The following ADAM22 variants were observed in gnomAD, a reference collection of about 807,000 sequenced individuals.
ADAM22 encodes the protein ADAM metallopeptidase domain 22.
ADAM22 carries 65 observed loss-of-function variants against 144.6 expected under a neutral mutation model. The ratio of observed to expected loss-of-function variants is 0.45; its 90% CI spans 0.37 to 0.55. ADAM22 has a LOEUF of 0.55. Among genes scored for constraint, ADAM22 ranks in the 20% least tolerant of loss-of-function variants. The pLI is 0.00. For synonymous variants in ADAM22, 391 were observed against 412.6 expected, an observed-to-expected ratio of 0.95 and a Z score of 0.63; for missense variants, 974 against 1,184.9, an observed-to-expected ratio of 0.82 and a Z score of 2.61.
chr7:88,030,057 T>C (rs1020042100), intron 3 of ADAM22, among the ~76,000 whole-genome samples: 1 of 152,182 alleles, frequency 6.6e-6, no homozygotes, highest in African/African-American at 2.4e-5. Context: ...ATAAACTTTC[T>C]ACCTGCCCTC....
intron 21 of ADAM22, 74 bp from the exon 22 acceptor site, chr7:88,155,813 G>C (rs1839795764): frequency 7.9e-6 from 12 of 1,517,140 alleles, no homozygotes; most frequent in Non-Finnish European, 9.8e-6. Flanking sequence ...GCTAAAATGA[G>C]AGAAGATTAT....
chr7:88,023,826 T>TC (rs141448857), intron 3 of ADAM22, among the ~76,000 whole-genome samples: 36,375 of 151,072 alleles, frequency 0.24, 5,517 homozygotes, highest in South Asian at 0.39. Flanking sequence ...TACCCCCACT[T>TC]CCCCCCTACC....
intron 2 of ADAM22, among the ~76,000 whole-genome samples, chr7:87,949,694 CT>C (rs938293220): frequency 1.9e-4 from 28 of 147,520 alleles, no homozygotes; most frequent in East Asian, 2.0e-4. Context: ...GGACAACAAC[CT>C]TTTTTTTTTC....
intron 3 of ADAM22, among the ~76,000 whole-genome samples, chr7:88,024,598 C>T (rs1408566938): frequency 2.6e-5 from 4 of 151,822 alleles, no homozygotes; most frequent in Admixed American, 6.6e-5. Context: ...ATGTGCACAA[C>T]GTGCAGGCTT....
At chr7:88,154,181 G>T (rs980913714) in intron 21 of ADAM22, among the ~76,000 whole-genome samples, 5 of 152,188 alleles carry the variant, frequency 3.3e-5, no homozygotes, top group Non-Finnish European at 7.3e-5. Flanking sequence ...AGCAGAATTA[G>T]AATTTGGAGA....
chr7:88,119,806 C>T (rs1417393421), intron 7 of ADAM22, among the ~76,000 whole-genome samples: 1 of 152,160 alleles, frequency 6.6e-6, no homozygotes, highest in African/African-American at 2.4e-5. Flanking sequence ...CAATTTTTAA[C>T]TTATTAAGTT....
intron 4 of ADAM22, among the ~76,000 whole-genome samples, chr7:88,082,678 G>T (rs1365819133): frequency 6.6e-6 from 1 of 152,058 alleles, no homozygotes; most frequent in East Asian, 1.9e-4. Flanking sequence ...GTTTGCAAAG[G>T]ATATGAACAG....
At chr7:87,962,867 A>C (rs1340873369) in intron 2 of ADAM22, among the ~76,000 whole-genome samples, 2 of 152,186 alleles carry the variant, frequency 1.3e-5, no homozygotes, top group Non-Finnish European at 2.9e-5. Context: ...GCCCAGGATC[A>C]TTCAGTTTAG....
rs539299387 is a variant in ADAM22 at position 88,168,120 on chromosome 7, C to T, written c.2192-17C>T. 10 of 1,606,984 alleles carry T rather than the reference C, an allele frequency of 6.2e-6. No homozygotes were observed. The East Asian group carries it at 1.3e-4, about 22-fold the overall frequency. On this transcript the variant is annotated splice_polypyrimidine_tract_variant and intron_variant, in intron 24 of 31. Coordinates refer to ENST00000413139, the MANE Select transcript of ADAM22 (RefSeq NM_001324418.2). The stretch of plus-strand genomic sequence containing the variant: ...TTTATACCACTGATCTTCCTTCTTT[C>T]TTTTTTTTCCTCTCAGGTGTTGCTG...
chr7:87,940,160 C>A (rs868571765), intron 2 of ADAM22, among the ~76,000 whole-genome samples: 3 of 126,252 alleles, frequency 2.4e-5, no homozygotes, highest in African/African-American at 9.2e-5. Flanking sequence ...CCAGCCTGGG[C>A]GACAGAGCAA....
Position 88,037,599 on chromosome 7 carries a change from TA to T in ADAM22, c.324-38026del, listed in dbSNP as rs1429691399. ...TCTGCCTTGATGTGTTTTATTTTTT[TA>T]TTTTTATTTTTATTTTTTTTTGCCT... is the stretch of plus-strand genomic sequence containing the variant. On this transcript the variant is annotated intron_variant, in intron 3 of 31. Coordinates refer to ENST00000413139, the MANE Select transcript of ADAM22 (RefSeq NM_001324418.2). Among the ~76,000 whole-genome samples, 3 of 152,130 alleles carry T rather than the reference TA, an allele frequency of 2.0e-5. No homozygotes were observed. The East Asian group carries it at 5.8e-4, about 29-fold the overall frequency.
At position 88,171,562 on chromosome 7, in the gene ADAM22, G is replaced by A; in HGVS notation, c.2300+1G>A. The A allele has an allele frequency of 6.3e-7, 1 of 1,586,330 alleles. No homozygotes were observed. The highest frequency in any genetic ancestry group is 8.5e-7 in the Non-Finnish European group (1 of 1,169,990). ...TGAAAAGAAACTATCGAGAACAGAG[G>A]TATGTAATACAAATAATGTGAACAT... On this transcript the variant is annotated splice_donor_variant, in intron 26 of 31. Transcript: ENST00000413139. LOFTEE classifies it high-confidence loss of function.
Position 87,982,060 on chromosome 7 carries a change from T to TAC in ADAM22, c.323+3649_323+3650insCA, listed in dbSNP as rs1325628045. ...TGTTTATTTCATATATATATATATA[T>TAC]ATATATATACACACACACACACACA... On this transcript the variant is annotated intron_variant, in intron 3 of 31. Coordinates refer to ENST00000413139, the MANE Select transcript of ADAM22 (RefSeq NM_001324418.2). Among the ~76,000 whole-genome samples the TAC allele has an allele frequency of 9.5e-3, 1,140 of 120,242 alleles. 11 individuals are homozygous for TAC. Among genetic ancestry groups the TAC allele is most frequent in the Middle Eastern group, 0.017 (4 of 234 alleles). The allele number at this position is 120,242 out of a possible 152,430, so 78.9% of individuals were successfully genotyped here. A position where few individuals can be genotyped will look rare whatever the true frequency, so the allele number is the denominator to read the frequency against.
intron 15 of ADAM22, 92 bp from the exon 16 acceptor site, chr7:88,145,033 G>A (rs1835923979): frequency 1.0e-6 from 1 of 985,856 alleles, no homozygotes; most frequent in Non-Finnish European, 1.5e-6. Context: ...GACTGGCAGG[G>A]CAGGTATATT....
intron 26 of ADAM22, among the ~76,000 whole-genome samples, chr7:88,178,550 A>G (rs1846244156): frequency 6.6e-6 from 1 of 152,188 alleles, no homozygotes; most frequent in African/African-American, 2.4e-5. Context: ...ACCACAAAGA[A>G]AAAGAAAGCT....
intron 3 of ADAM22, among the ~76,000 whole-genome samples, chr7:88,067,574 G>A (rs970538393): frequency 6.6e-6 from 1 of 152,040 alleles, no homozygotes; most frequent in African/African-American, 2.4e-5. Flanking sequence ...CAGAATAAAC[G>A]TAGAAGATTC....
At chr7:88,110,176 A>G (rs1825628172) in intron 5 of ADAM22, among the ~76,000 whole-genome samples, 1 of 152,218 alleles carries the variant, frequency 6.6e-6, no homozygotes, top group Non-Finnish European at 1.5e-5. Context: ...GCTTAATATC[A>G]GACAGTCTCT....
chr7:87,986,174 C>A (rs1788436588), intron 3 of ADAM22, among the ~76,000 whole-genome samples: 1 of 152,118 alleles, frequency 6.6e-6, no homozygotes, highest in Non-Finnish European at 1.5e-5. Context: ...TTTATATAGA[C>A]CTTACATTTC....
intron 3 of ADAM22, among the ~76,000 whole-genome samples, chr7:88,028,243 G>A (rs546803840): frequency 1.3e-5 from 2 of 151,994 alleles, no homozygotes; most frequent in African/African-American, 2.4e-5. Context: ...TGACCTACTC[G>A]TCATTCAGGA....
Sources: gnomAD v4.1 joint callset for allele counts (sites outside exome capture counted in the v4.1 genomes callset) on GRCh38, gnomAD v4.1.1 for gene constraint, MANE v1.5 for transcripts, NCBI Gene and HGNC (gene_info 2026-07-23, HGNC 2026-07-21) for gene names.